Variants in KIFC3 observed in about 807,000 individuals in gnomAD.
KIFC3 encodes kinesin-like protein KIFC3.
A neutral mutation model predicts 101.8 loss-of-function variants in KIFC3; 60 were observed. The ratio of observed to expected loss-of-function variants is 0.59; its 90% CI spans 0.48 to 0.73. KIFC3 has a LOEUF of 0.73. Among genes scored for constraint, KIFC3 ranks in the 30% least tolerant of loss-of-function variants. KIFC3 has a pLI of 0.00. For synonymous variants in KIFC3, 476 were observed against 482.7 expected (o/e 0.99, Z 0.18); for missense variants, 966 against 1,137.1 (o/e 0.85, Z 2.16).
intron 11 of KIFC3, 61 bp downstream of exon 11, chr16:57,765,398 C>A: frequency 6.7e-7 from 1 of 1,501,872 alleles, no homozygotes; most frequent in South Asian, 1.3e-5. Context: ...CCCCCGCTCC[C>A]TGTGAGTCCA....
intron 1 of KIFC3, among the ~76,000 whole-genome samples, chr16:57,858,821 G>A (rs552190551): frequency 6.6e-6 from 1 of 152,208 alleles, no homozygotes; most frequent in Admixed American, 6.5e-5. Flanking sequence ...GTGGTGGCAC[G>A]TGCCTGTAAT....
chr16:57,818,461 C>T (rs530282813), intron 1 of KIFC3, among the ~76,000 whole-genome samples: 7 of 152,204 alleles, frequency 4.6e-5, no homozygotes, highest in Admixed American at 4.6e-4. Flanking sequence ...ACCTCCCAGG[C>T]TCAAGTGATC....
intron 1 of KIFC3, among the ~76,000 whole-genome samples, chr16:57,820,522 C>T (rs1365075172): frequency 1.3e-5 from 2 of 152,120 alleles, no homozygotes; most frequent in African/African-American, 4.8e-5. Context: ...TGAAGTGATC[C>T]TCCCACCTCA....
intron 1 of KIFC3, among the ~76,000 whole-genome samples, chr16:57,809,669 C>A (rs1183727815): frequency 6.6e-6 from 1 of 152,180 alleles, no homozygotes; most frequent in Non-Finnish European, 1.5e-5. Flanking sequence ...CATAAAAAAT[C>A]TTTCTGAATA....
chr16:57,813,836 C>A (rs1421934321), intron 1 of KIFC3: 4 of 985,300 alleles, frequency 4.1e-6, no homozygotes, highest in Non-Finnish European at 4.8e-6. Flanking sequence ...AAGACAGAAC[C>A]CCATGCTCTC....
Position 57,855,647 on chromosome 16 carries a change from C to T in KIFC3, c.108+7082G>A, listed in dbSNP as rs2056149274. ...GCAAGCAGAAGCAAAGAAATAATAA[C>T]ATTAAGAGCAGAACTTGGCCAGGTG... On this transcript the variant is annotated intron_variant, in intron 1 of 2. Transcript: ENST00000563028. Among the ~76,000 whole-genome samples, 7 of 151,682 alleles carry T rather than the reference C, an allele frequency of 4.6e-5. No individual in the cohort carries two copies. In the South Asian group the frequency reaches 1.5e-3, roughly 32 times the overall value.
At chr16:57,849,106 G>T (rs1240242412) in intron 1 of KIFC3, among the ~76,000 whole-genome samples, 1 of 152,180 alleles carries the variant, frequency 6.6e-6, no homozygotes, top group African/African-American at 2.4e-5. Context: ...GATTAACAGA[G>T]GAGTTAGTAA....
intron 1 of KIFC3, among the ~76,000 whole-genome samples, chr16:57,844,802 A>G (rs1425805758): frequency 1.3e-5 from 2 of 152,070 alleles, no homozygotes; most frequent in African/African-American, 4.8e-5. Context: ...GTGCCCTGGA[A>G]TTTTCTGCTT....
intron 1 of KIFC3, among the ~76,000 whole-genome samples, chr16:57,856,009 G>T (rs773530814): frequency 2.1e-4 from 32 of 150,520 alleles, no homozygotes; most frequent in Non-Finnish European, 4.3e-4. Context: ...AAAACATTAA[G>T]AGCAGAAATT....
chr16:57,853,538 C>T (rs2056101314), intron 1 of KIFC3, among the ~76,000 whole-genome samples: 1 of 152,116 alleles, frequency 6.6e-6, no homozygotes, highest in Admixed American at 6.6e-5. Flanking sequence ...TTGGTGAACC[C>T]AAATTCGAGC....
rs782094820 is a variant in KIFC3 at position 57,795,017 on chromosome 16, C to T, written c.297G>A (p.Gly99=). The T allele has an allele frequency of 6.3e-7, 1 of 1,594,498 alleles. No homozygotes were observed. The highest frequency in any genetic ancestry group is 8.5e-7 in the Non-Finnish European group (1 of 1,173,544). ...TGCTTACCTGCAGGGTCAGGTAGAG[C>T]CCGTGGGGGCTTCCGGGGCCAGCCC... ...VDWAGPGSPH[G]LYLTLQVEHL... Residue 99 remains glycine (G), a synonymous_variant, in exon 3 of 20, where the codon GGG becomes GGA. Coordinates refer to ENST00000445690, the MANE Select transcript of KIFC3 (RefSeq NM_001130100.2).
At chr16:57,786,900 C>T (rs782261243) in intron 3 of KIFC3, among the ~76,000 whole-genome samples, 16 of 152,088 alleles carry the variant, frequency 1.1e-4, no homozygotes, top group South Asian at 2.1e-4. Flanking sequence ...TAGCTACAGG[C>T]CCCCCCAACC....
At chr16:57,852,836 C>T (rs12443893) in intron 1 of KIFC3, among the ~76,000 whole-genome samples, 2 of 152,202 alleles carry the variant, frequency 1.3e-5, no homozygotes, top group East Asian at 1.9e-4. Flanking sequence ...TTAAAGGGAT[C>T]GAATAGCAAT....
At chr16:57,797,399 A>G (rs1555623446) in intron 2 of KIFC3, among the ~76,000 whole-genome samples, 1 of 152,200 alleles carries the variant, frequency 6.6e-6, no homozygotes, top group Non-Finnish European at 1.5e-5. Context: ...CCGCCAATCC[A>G]GTCCCGGCCC....
chr16:57,851,969 G>A (rs2056069065), intron 1 of KIFC3, among the ~76,000 whole-genome samples: 1 of 152,004 alleles, frequency 6.6e-6, no homozygotes, highest in Non-Finnish European at 1.5e-5. Flanking sequence ...TCAAACCCCT[G>A]ACCACAAGTG....
In KIFC3 at chr16:57,758,599, G is replaced by T. The variant is rs1555590861; in HGVS notation, c.*335C>A. The stretch of plus-strand genomic sequence containing the variant: ...GGAGAGGGGCCGAGAAAGCCTGGGT[G>T]AGAGGCCCACCCTCCTCCACACTCC... On this transcript the variant is annotated 3_prime_UTR_variant, in exon 20 of 20. Transcript: ENST00000445690. 1.5e-6 allele frequency: 1 copy of T among 687,124 alleles called. No individual in the cohort carries two copies. Among genetic ancestry groups the T allele is most frequent in the East Asian group, 2.8e-5 (1 of 36,198 alleles). 42.6% of individuals were successfully genotyped at this position (687,124 alleles called of 1,614,324 possible). A position where few individuals can be genotyped will look rare whatever the true frequency, so the allele number is the denominator to read the frequency against.
chr16:57,861,812 G>A (rs1959294918), intron 1 of KIFC3, among the ~76,000 whole-genome samples: 1 of 152,144 alleles, frequency 6.6e-6, no homozygotes, highest in South Asian at 2.1e-4. Flanking sequence ...AGCCGGGCGT[G>A]ATGGTGTGCA....
intron 14 of KIFC3, 55 bp downstream of exon 14, chr16:57,761,358 C>T (rs782419020): frequency 6.2e-7 from 1 of 1,610,714 alleles, no homozygotes; most frequent in African/African-American, 1.3e-5. Flanking sequence ...ACATTCAAAC[C>T]CAGTTGTGTC....
At chr16:57,813,555 A>G in intron 1 of KIFC3, 1 of 396,872 alleles carries the variant, frequency 2.5e-6, no homozygotes, top group South Asian at 1.0e-4. Flanking sequence ...TCTTAAGTGA[A>G]CAAATGGAGA....
Sources: gnomAD v4.1 joint callset for allele counts (sites outside exome capture counted in the v4.1 genomes callset) on GRCh38, gnomAD v4.1.1 for gene constraint, MANE v1.5 for transcripts, NCBI Gene and HGNC (gene_info 2026-07-23, HGNC 2026-07-21) for gene names.